CELF1: variants seen among roughly 807,000 people sequenced by gnomAD.
CELF1 encodes the protein 50 kDa nuclear polyadenylated RNA-binding protein.
CELF1 carries 10 observed loss-of-function variants against 61.8 expected under a neutral mutation model. That is an observed-to-expected ratio of 0.16 (90% CI 0.10 to 0.27). The LOEUF is 0.27. Among genes scored for constraint, CELF1 ranks in the 10% least tolerant of loss-of-function variants. The pLI, the probability that CELF1 is intolerant of heterozygous loss-of-function variation, is 1.00. For synonymous variants in CELF1, 236 were observed against 225.1 expected (o/e 1.05, Z -0.43); for missense variants, 380 against 639.1 (o/e 0.59, Z 4.37).
chr11:47,481,400 G>A (rs1193675215), intron 9 of CELF1, among the ~76,000 whole-genome samples: 1 of 152,030 alleles, frequency 6.6e-6, no homozygotes, highest in Non-Finnish European at 1.5e-5. Context: ...AAAGTGTTGG[G>A]ATTACAGGCG....
rs944549559 is a variant in CELF1 at position 47,478,929 on chromosome 11, C to A, written c.792G>T (p.Gln264His). The A allele has an allele frequency of 6.2e-6, 10 of 1,612,970 alleles. No individual in the cohort carries two copies. The highest frequency in any genetic ancestry group is 8.5e-6 in the Non-Finnish European group (10 of 1,179,572). ...YLALYLQLLQ[Q>H]TASSGNLNTL... is the part of the protein sequence containing the mutation. ...TGTTGAGGTTCCCAGAGGAGGCAGT[C>A]TGCTGAAGGAGCTGCAAATAAAGCT... Residue 264 changes from glutamine to histidine, a missense_variant, in exon 10 of 15, where the codon CAG (glutamine) becomes CAT (histidine). Coordinates refer to ENST00000687097, the MANE Select transcript of CELF1 (RefSeq NM_001376376.1).
intron 1 of CELF1, among the ~76,000 whole-genome samples, chr11:47,525,019 A>AG (rs1310257108): frequency 1.3e-5 from 2 of 152,196 alleles, no homozygotes; most frequent in Non-Finnish European, 2.9e-5. Context: ...AACCTTTACT[A>AG]GGTCAGATTC....
intron 2 of CELF1, among the ~76,000 whole-genome samples, chr11:47,562,852 C>T (rs1475518953): frequency 6.6e-6 from 1 of 151,990 alleles, no homozygotes; most frequent in African/African-American, 2.4e-5. Context: ...TTACAGGCGC[C>T]CACTATTATA....
upstream of CELF1, among the ~76,000 whole-genome samples, chr11:47,555,270 C>G (rs899037843): frequency 4.6e-5 from 7 of 152,224 alleles, no homozygotes; most frequent in African/African-American, 1.7e-4. Context: ...CAGTGCTTTT[C>G]ACAATATCTG....
intron 1 of CELF1, among the ~76,000 whole-genome samples, chr11:47,502,518 GTA>G (rs200186160): frequency 8.5e-4 from 130 of 152,252 alleles, no homozygotes; most frequent in African/African-American, 3.0e-3. Context: ...GCGTGTGTGT[GTA>G]TGTGTGTGTG....
upstream of CELF1, among the ~76,000 whole-genome samples, chr11:47,555,581 G>C (rs902145532): frequency 6.6e-6 from 1 of 152,030 alleles, no homozygotes; most frequent in Non-Finnish European, 1.5e-5. Flanking sequence ...AACTTCAAAG[G>C]GTTTCAGCAA....
Position 47,565,492 on chromosome 11 carries a change from CGCCG to C in CELF1, c.-352_-349del, listed in dbSNP as rs1240237578. 22 of 827,720 alleles carry C rather than the reference CGCCG, an allele frequency of 2.7e-5. 1 individual carries two copies. The highest frequency in any genetic ancestry group is 4.4e-4 in the Middle Eastern group (1 of 2,286). The allele number at this position is 827,720 out of a possible 1,614,324, so 51.3% of individuals were successfully genotyped here. A position where few individuals can be genotyped will look rare whatever the true frequency, so the allele number is the denominator to read the frequency against. ...GTCCCCCAGAGTCCAGGCCAGTCCC[CGCCG>C]TCACCCGGTGCGAGCCCGCGAGAGG... On this transcript the variant is annotated 5_prime_UTR_variant, in exon 1 of 4. Coordinates refer to the CELF1 transcript ENST00000525841.
chr11:47,510,521 C>T (rs2095043914), intron 1 of CELF1, among the ~76,000 whole-genome samples: 1 of 152,172 alleles, frequency 6.6e-6, no homozygotes, highest in African/African-American at 2.4e-5. Context: ...GGGTCTCGCT[C>T]TGTTGCCCAG....
rs2077127933 is a variant in CELF1 at position 47,468,974 on chromosome 11, G to C, written c.*3256C>G. ...ATCCAAACAAAGAGAGAGAGAACAG[G>C]AACACTCACTGTGTGTACAGCCCTG... On this transcript the variant is annotated 3_prime_UTR_variant, in exon 15 of 15. Transcript: ENST00000687097. 1 of 152,162 alleles carries C rather than the reference G, an allele frequency of 6.6e-6. No homozygotes were observed. Among genetic ancestry groups the C allele is most frequent in the South Asian group, 2.1e-4 (1 of 4,830 alleles). 9.4% of individuals were successfully genotyped at this position (152,162 alleles called of 1,614,324 possible).
At chr11:47,489,935 G>GTTTTTTTTTTTTTTGTTTTTTTTT (rs1555170255) in intron 3 of CELF1, among the ~76,000 whole-genome samples, 1 of 48,226 alleles carries the variant, frequency 2.1e-5, no homozygotes, top group Non-Finnish European at 3.9e-5. Flanking sequence ...ATACCATCTT[G>GTTTTTTTTTTTTTTGTTTTTTTTT]TTTTTTTTTT....
intron 1 of CELF1, among the ~76,000 whole-genome samples, chr11:47,526,702 G>C (rs1287593045): frequency 6.6e-6 from 1 of 152,114 alleles, no homozygotes; most frequent in Non-Finnish European, 1.5e-5. Context: ...TAGAATGGTG[G>C]AACTAGAAAT....
chr11:47,512,227 A>C (rs1281281988), intron 1 of CELF1, among the ~76,000 whole-genome samples: 1 of 152,032 alleles, frequency 6.6e-6, no homozygotes, highest in Non-Finnish European at 1.5e-5. Context: ...ATCTCTGCTT[A>C]CTGCAACCTC....
intron 1 of CELF1, among the ~76,000 whole-genome samples, chr11:47,537,265 T>TTG (rs1241053749): frequency 6.9e-6 from 1 of 145,706 alleles, no homozygotes; most frequent in African/African-American, 2.6e-5. Flanking sequence ...TTTTTTTTTT[T>TTG]GGGACAGAGT....
intron 1 of CELF1, among the ~76,000 whole-genome samples, chr11:47,544,286 T>C (rs1357445067): frequency 6.6e-6 from 1 of 152,222 alleles, no homozygotes; most frequent in African/African-American, 2.4e-5. Context: ...AAGAGACTAG[T>C]GGTATGCCCA....
At position 47,476,898 on chromosome 11, in the gene CELF1, G is replaced by A. The variant is rs374839307; in HGVS notation, c.1035C>T (p.Ala345=). ...NSVNPIASLG[A]LQTLAGATAG... Reference sequence around the variant, plus strand: ...CCGTTGCTCCAGCTAATGTCTGCAGGGCTCCAAGTGAGGCTATGGGGTTGA... The same window carrying A: ...CCGTTGCTCCAGCTAATGTCTGCAGAGCTCCAAGTGAGGCTATGGGGTTGA... The change falls in exon 12 of 15, where the codon GCC becomes GCT. Residue 345 remains alanine (A), a synonymous_variant. Coordinates refer to ENST00000687097, the MANE Select transcript of CELF1 (RefSeq NM_001376376.1). 44 of 1,614,084 alleles carry A rather than the reference G, an allele frequency of 2.7e-5. No individual in the cohort carries two copies. The highest frequency in any genetic ancestry group is 1.3e-5 in the African/African-American group (1 of 74,934).
intron 1 of CELF1, among the ~76,000 whole-genome samples, chr11:47,540,656 T>C (rs1489329937): frequency 1.3e-5 from 2 of 151,674 alleles, no homozygotes; most frequent in Non-Finnish European, 2.9e-5. Context: ...GAGGCCGAGG[T>C]GGGTGGATCA....
In CELF1 at chr11:47,531,765, A is replaced by T. The variant is rs149733990; in HGVS notation, c.-154+21227T>A. ...TTTGAGGCCTGTTTTGATATTCTTT[A>T]GCTCAAAATCATCTCCTCTCGTTAA... On this transcript the variant is annotated intron_variant, in intron 1 of 14. Coordinates refer to ENST00000687097, the MANE Select transcript of CELF1 (RefSeq NM_001376376.1). 1.9e-3 allele frequency among the ~76,000 whole-genome samples: 288 copies of T among 152,280 alleles called. 1 individual carries two copies. The highest frequency in any genetic ancestry group is 0.014 in the Middle Eastern group (4 of 294).
At chr11:47,528,708 C>A (rs555824382) in intron 1 of CELF1, among the ~76,000 whole-genome samples, 1 of 151,882 alleles carries the variant, frequency 6.6e-6, no homozygotes, top group African/African-American at 2.4e-5. Flanking sequence ...ACAGTGAGAC[C>A]CCATCTCCAC....
chr11:47,516,801 T>A (rs2095579879), intron 1 of CELF1, among the ~76,000 whole-genome samples: 1 of 151,972 alleles, frequency 6.6e-6, no homozygotes, highest in Non-Finnish European at 1.5e-5. Context: ...CAAGGTTTCA[T>A]CATGTTGGCC....
Sources: gnomAD v4.1 joint callset for allele counts (sites outside exome capture counted in the v4.1 genomes callset) on GRCh38, gnomAD v4.1.1 for gene constraint, MANE v1.5 for transcripts, NCBI Gene and HGNC (gene_info 2026-07-23, HGNC 2026-07-21) for gene names.